Variants in TUBA4B observed in about 807,000 individuals in gnomAD.
TUBA4B encodes tubulin alpha 4b, also known as tubulin-like protein alpha-4B.
A neutral mutation model predicts 18.4 loss-of-function variants in TUBA4B; 13 were observed. That is an observed-to-expected ratio of 0.71 (90% CI 0.46 to 1.12). The LOEUF is 1.12. Ranked by LOEUF, TUBA4B falls within the 50% of genes most tolerant of loss-of-function variation. The pLI, the probability that TUBA4B is intolerant of heterozygous loss-of-function variation, is 0.00. For synonymous variants in TUBA4B, 101 were observed against 99.1 expected (o/e 1.02, Z -0.11); for missense variants, 244 against 250.0 (o/e 0.98, Z 0.16).
intron 1 of TUBA4B, among the ~76,000 whole-genome samples, chr2:219,259,128 A>AAATT (rs779014976): frequency 7.4e-5 from 1 of 13,530 alleles, no homozygotes; most frequent in East Asian, 7.4e-4. Flanking sequence ...TAAAAATAAT[A>AAATT]AATAAATAAA....
Position 219,263,050 on chromosome 2 carries a change from C to T in TUBA4B, c.13-3471C>T, listed in dbSNP as rs573396271. Among the ~76,000 whole-genome samples the T allele has an allele frequency of 3.3e-5, 5 of 152,120 alleles. No individual in the cohort carries two copies. In the East Asian group the frequency reaches 7.8e-4, roughly 24 times the overall value. ...GAGCAAAACTCCATTCCCCACCCCCCAAAAAAGCATAAACTTTTGTGTTTA... is the reference window on the plus strand; with the variant it reads ...GAGCAAAACTCCATTCCCCACCCCCTAAAAAAGCATAAACTTTTGTGTTTA... On this transcript the variant is annotated intron_variant, in intron 1 of 3. Coordinates refer to ENST00000490341, the MANE Select transcript of TUBA4B (RefSeq NM_001355221.1).
intron 1 of TUBA4B, among the ~76,000 whole-genome samples, chr2:219,262,147 TA>T (rs1951763306): frequency 6.6e-6 from 1 of 152,044 alleles, no homozygotes; most frequent in Non-Finnish European, 1.5e-5. Context: ...CCATCTCTAC[TA>T]AAAATACAAA....
intron 1 of TUBA4B, among the ~76,000 whole-genome samples, chr2:219,264,448 A>C (rs1257558271): frequency 6.8e-6 from 1 of 147,252 alleles, no homozygotes; most frequent in East Asian, 2.0e-4. Flanking sequence ...TGACAGAGTG[A>C]GGCCCTGTCT....
rs1431446313 is a variant in TUBA4B at position 219,271,683 on chromosome 2, T to C, written c.710T>C (p.Leu237Pro). Reference sequence around the variant, plus strand: ...AGATTACCAATGCCTGCTTTGAGCCTGCCAACCAGATGGTGAAGTGTGATC... The same window carrying C: ...AGATTACCAATGCCTGCTTTGAGCCCGCCAACCAGATGGTGAAGTGTGATC... ...WQRLPMPALS[L>P]PTRW Residue 237 changes from leucine (L) to proline (P), a missense_variant, in exon 4 of 4, where the codon CTG becomes CCG. Leu to Pro is a moderately conservative substitution (Grantham distance 98). Transcript: ENST00000490341. 6.2e-7 allele frequency: 1 copy of C among 1,613,480 alleles called. No individual in the cohort carries two copies. The highest frequency in any genetic ancestry group is 8.5e-7 in the Non-Finnish European group (1 of 1,179,374).
At chr2:219,269,820 T>C (rs1379020920) in intron 2 of TUBA4B, among the ~76,000 whole-genome samples, 3 of 152,094 alleles carry the variant, frequency 2.0e-5, no homozygotes, top group South Asian at 2.1e-4. Flanking sequence ...CCCCAGGCGG[T>C]GTTTGTGGAT....
chr2:219,254,029 A>T (rs1951694601), intron 1 of TUBA4B: 1 of 607,272 alleles, frequency 1.6e-6, no homozygotes, highest in African/African-American at 1.9e-5. Flanking sequence ...CCGGGAGGGT[A>T]AGCGGCCCCC....
intron 1 of TUBA4B, among the ~76,000 whole-genome samples, chr2:219,257,998 T>C (rs1413317738): frequency 6.9e-6 from 1 of 145,272 alleles, no homozygotes; most frequent in East Asian, 2.0e-4. Flanking sequence ...TTTTTTTTTT[T>C]TTTTTTTTGA....
chr2:219,265,792 AT>A (rs1222911970), intron 1 of TUBA4B, among the ~76,000 whole-genome samples: 2 of 152,212 alleles, frequency 1.3e-5, no homozygotes, highest in African/African-American at 4.8e-5. Flanking sequence ...AGGAAGAGAC[AT>A]TTAGGAAGTG....
At chr2:219,269,314 C>T (rs1416603129) in intron 2 of TUBA4B, among the ~76,000 whole-genome samples, 1 of 152,172 alleles carries the variant, frequency 6.6e-6, no homozygotes, top group Non-Finnish European at 1.5e-5. Flanking sequence ...GGTAGATTAT[C>T]TTGCACTTCT....
At chr2:219,270,467 A>G (rs976873758) in intron 3 of TUBA4B, 132 bp downstream of exon 3, 2 of 634,264 alleles carry the variant, frequency 3.2e-6, no homozygotes, top group Non-Finnish European at 5.7e-6. Context: ...ACCAATGAGG[A>G]GAGGCCCTGC....
chr2:219,267,840 G>A (rs1291687865), intron 2 of TUBA4B, among the ~76,000 whole-genome samples: 2 of 152,186 alleles, frequency 1.3e-5, no homozygotes, highest in Non-Finnish European at 2.9e-5. Flanking sequence ...TGGGATTACA[G>A]GCGTGAGCCA....
At chr2:219,257,557 G>A (rs1272293053) in intron 1 of TUBA4B, among the ~76,000 whole-genome samples, 3 of 147,718 alleles carry the variant, frequency 2.0e-5, no homozygotes, top group East Asian at 2.0e-4. Context: ...CAGGAGAATC[G>A]TGTGAACCTG....
chr2:219,253,567 A>T (rs1951684752), intron 1 of TUBA4B, 148 bp downstream of exon 1: 5 of 764,640 alleles, frequency 6.5e-6, no homozygotes, highest in Non-Finnish European at 1.1e-5. Context: ...TCTCATACAG[A>T]GTCGGGACAC....
chr2:219,261,179 T>C (rs1178370580), intron 1 of TUBA4B, among the ~76,000 whole-genome samples: 1 of 152,134 alleles, frequency 6.6e-6, no homozygotes, highest in African/African-American at 2.4e-5. Flanking sequence ...TTCAGTCATG[T>C]CACCAATAAC....
chr2:219,253,756 G>A, intron 1 of TUBA4B: 1 of 1,422,524 alleles, frequency 7.0e-7, no homozygotes, highest in Non-Finnish European at 9.6e-7. Context: ...TGGAGACCCG[G>A]AACGCCCGGT....
chr2:219,269,254 T>A (rs1262458021), intron 2 of TUBA4B, among the ~76,000 whole-genome samples: 1 of 152,154 alleles, frequency 6.6e-6, no homozygotes, highest in Non-Finnish European at 1.5e-5. Context: ...TGTACTATTT[T>A]CCCTTGCTTC....
intron 1 of TUBA4B, among the ~76,000 whole-genome samples, chr2:219,255,986 G>A (rs991184140): frequency 6.6e-6 from 1 of 151,420 alleles, no homozygotes; most frequent in African/African-American, 2.4e-5. Flanking sequence ...TGACAGGGGC[G>A]TATAATGAGG....
intron 1 of TUBA4B, 118 bp downstream of exon 1, chr2:219,253,537 G>T: frequency 1.1e-6 from 1 of 890,792 alleles, no homozygotes; most frequent in East Asian, 2.6e-5. Context: ...CGGAAAGGAC[G>T]GGGCGCGGGC....
chr2:219,254,023 G>C (rs1951694438), intron 1 of TUBA4B: 1 of 651,170 alleles, frequency 1.5e-6, no homozygotes. Flanking sequence ...CGCCTCCCGG[G>C]AGGGTAAGCG....
Sources: gnomAD v4.1 joint callset for allele counts (sites outside exome capture counted in the v4.1 genomes callset) on GRCh38, gnomAD v4.1.1 for gene constraint, MANE v1.5 for transcripts, NCBI Gene and HGNC (gene_info 2026-07-23, HGNC 2026-07-21) for gene names.